TLN1: variants seen among roughly 807,000 people sequenced by gnomAD.
The protein encoded by TLN1 is talin 1, also known as talin-1.
A neutral mutation model predicts 292.3 loss-of-function variants in TLN1; 56 were observed. The ratio of observed to expected loss-of-function variants is 0.19; its 90% CI spans 0.15 to 0.24. The LOEUF (loss-of-function observed/expected upper bound fraction) is 0.24. Ranked by LOEUF, TLN1 falls within the 10% of genes least tolerant of loss-of-function variation. The probability of loss-of-function intolerance (pLI) is 1.00; values close to 1 mark genes in which losing one functional copy is unlikely to be tolerated. For missense variants in TLN1, 2,433 were observed against 3,248.2 expected (o/e 0.75, Z 6.10); for synonymous variants, 1,119 against 1,253.7 (o/e 0.89, Z 2.27).
intron 1 of TLN1, among the ~76,000 whole-genome samples, chr9:35,730,739 G>A (rs1826062147): frequency 3.3e-5 from 5 of 152,106 alleles, no homozygotes; most frequent in Admixed American, 3.3e-4. Context: ...GGGATAGGCA[G>A]GATGGGTGTG....
rs889239915 is a variant in TLN1 at position 35,699,823 on chromosome 9, G to A, written c.6768+151C>T. ...TAAGAAGGATGGGGCCTGGGAGAAA[G>A]GGAGACTTGGAAAGGAGAACAGATT... On this transcript the variant is annotated intron_variant, in intron 50 of 56. Transcript: ENST00000314888. The surrounding 1 kb of genome is among the most constrained non-coding windows in gnomAD (Gnocchi z 4.0). 10 of 1,068,302 alleles carry A rather than the reference G, an allele frequency of 9.4e-6. No individual in the cohort carries two copies. The African/African-American group carries it at 1.4e-4, about 15-fold the overall frequency. The allele number at this position is 1,068,302 out of a possible 1,614,324, so 66.2% of individuals were successfully genotyped here.
chr9:35,702,981 G>C lies in TLN1; in HGVS notation c.6474+579C>G, dbSNP rs141664771. On this transcript the variant is annotated intron_variant, in intron 48 of 56. Coordinates refer to ENST00000314888, the MANE Select transcript of TLN1 (RefSeq NM_006289.4). ...AAAAATACAGTTGTCACATGCTAAG[G>C]AATAAACAAGTGGGTAGGGGACAGA... Among the ~76,000 whole-genome samples, 146 of 152,172 alleles carry C rather than the reference G, an allele frequency of 9.6e-4. 2 individuals are homozygous for C. Among genetic ancestry groups the C allele is most frequent in the African/African-American group, 3.4e-3 (140 of 41,542 alleles).
At position 35,717,902 on chromosome 9, in the gene TLN1, C is replaced by G; in HGVS notation, c.1996-116G>C. On this transcript the variant is annotated intron_variant, in intron 17 of 56. Coordinates refer to ENST00000314888, the MANE Select transcript of TLN1 (RefSeq NM_006289.4). This position sits in a 1 kb window ranked among gnomAD's most constrained non-coding sequence, Gnocchi z 4.7. ...TGATCCAATCAAAGGAGAGTGTACG[C>G]AGAAGCAACCAGAACCTACCCCGAG... 1.6e-6 allele frequency: 2 copies of G among 1,251,872 alleles called. No individual in the cohort carries two copies. The highest frequency in any genetic ancestry group is 2.2e-6 in the Non-Finnish European group (2 of 913,598). 77.5% of individuals were successfully genotyped at this position (1,251,872 alleles called of 1,614,324 possible). A position where few individuals can be genotyped will look rare whatever the true frequency, so the allele number is the denominator to read the frequency against.
At chr9:35,716,873 C>T (rs1394076137) in intron 19 of TLN1, among the ~76,000 whole-genome samples, 1 of 152,136 alleles carries the variant, frequency 6.6e-6, no homozygotes, top group African/African-American at 2.4e-5. Flanking sequence ...GAAGGCTATA[C>T]CACTTTCATG....
intron 48 of TLN1, 27 bp downstream of exon 48, chr9:35,703,533 T>C (rs1420500794): frequency 1.2e-6 from 2 of 1,600,366 alleles, no homozygotes; most frequent in Non-Finnish European, 1.7e-6. Flanking sequence ...CTGACCCTAG[T>C]CACTGATGCC....
chr9:35,722,738 A>G lies in TLN1; in HGVS notation c.843+123T>C, dbSNP rs1000049032. On this transcript the variant is annotated intron_variant, in intron 8 of 56. Coordinates refer to ENST00000314888, the MANE Select transcript of TLN1 (RefSeq NM_006289.4). The stretch of plus-strand genomic sequence containing the variant: ...TTCTTGGCAGAGGTGAGGTGGGATA[A>G]CAGCCCGGTGGGTGAAAGCCAAGTT... 4.3e-6 allele frequency: 4 copies of G among 928,164 alleles called. No homozygotes were observed. The African/African-American group carries it at 4.8e-5, about 11-fold the overall frequency. The allele number at this position is 928,164 out of a possible 1,614,324, so 57.5% of individuals were successfully genotyped here. A position where few individuals can be genotyped will look rare whatever the true frequency, so the allele number is the denominator to read the frequency against.
intron 56 of TLN1, 52 bp from the exon 57 acceptor site, chr9:35,697,968 T>C (rs752829944): frequency 3.2e-5 from 52 of 1,613,650 alleles, no homozygotes; most frequent in East Asian, 4.5e-5. Context: ...AGCAGGGGCA[T>C]AGGGTAGTTG....
chr9:35,718,009 T>C (rs908194998), intron 17 of TLN1, among the ~76,000 whole-genome samples: 18 of 151,690 alleles, frequency 1.2e-4, no homozygotes, highest in Admixed American at 8.5e-4. Flanking sequence ...CTACACCAAA[T>C]GGAGACACAC....
chr9:35,719,724 T>C lies in TLN1; in HGVS notation c.1578+16A>G, dbSNP rs750239974. On this transcript the variant is annotated intron_variant, in intron 14 of 56. Transcript: ENST00000314888. This position sits in a 1 kb window ranked among gnomAD's most constrained non-coding sequence, Gnocchi z 4.6. Reference sequence around the variant, plus strand: ...CAGCTTCAGTACCACCGGCCTCTCCTCCATCCCATACTTACAGCATCCTGG... The same window carrying C: ...CAGCTTCAGTACCACCGGCCTCTCCCCCATCCCATACTTACAGCATCCTGG... 5 of 1,610,348 alleles carry C rather than the reference T, an allele frequency of 3.1e-6. No individual in the cohort carries two copies. In the South Asian group the frequency reaches 4.4e-5, roughly 14 times the overall value.
In TLN1 at chr9:35,706,375, A is replaced by G. The variant is rs927967437; in HGVS notation, c.5191-9T>C. 1 of 1,610,170 alleles carries G rather than the reference A, an allele frequency of 6.2e-7. No individual in the cohort carries two copies. The highest frequency in any genetic ancestry group is 8.5e-7 in the Non-Finnish European group (1 of 1,177,854). On this transcript the variant is annotated splice_polypyrimidine_tract_variant and intron_variant, in intron 39 of 56. Coordinates refer to ENST00000314888, the MANE Select transcript of TLN1 (RefSeq NM_006289.4). This position sits in a 1 kb window ranked among gnomAD's most constrained non-coding sequence, Gnocchi z 4.2. ...TGCGCCATCTGGGACACCTGAGGCA[A>G]GGGGTTGGACTAGGGGTCAGGTCCC...
At chr9:35,711,143 A>T (rs1825660964) in intron 30 of TLN1, 61 bp from the exon 31 acceptor site, 2 of 1,610,522 alleles carry the variant, frequency 1.2e-6, no homozygotes, top group Admixed American at 3.4e-5. Flanking sequence ...GGTCCTATGT[A>T]AGTATTTATC....
At chr9:35,730,674 A>G (rs1164141053) in intron 1 of TLN1, among the ~76,000 whole-genome samples, 2 of 151,994 alleles carry the variant, frequency 1.3e-5, no homozygotes, top group Non-Finnish European at 2.9e-5. Flanking sequence ...TAAGGATGGG[A>G]ACGGATGATA....
rs1243847575 is a variant in TLN1 at position 35,724,359 on chromosome 9, T to C, written c.512-25A>G. 1.9e-6 allele frequency: 3 copies of C among 1,613,922 alleles called. No individual in the cohort carries two copies. The highest frequency in any genetic ancestry group is 1.7e-5 in the Admixed American group (1 of 60,018). ...ACTGGGATACAGACAGTCCCCTCAGTGCCAAACCCCCATGGCCCCTGTGCT... is the reference window on the plus strand; with the variant it reads ...ACTGGGATACAGACAGTCCCCTCAGCGCCAAACCCCCATGGCCCCTGTGCT... On this transcript the variant is annotated intron_variant, in intron 5 of 56. Coordinates refer to ENST00000314888, the MANE Select transcript of TLN1 (RefSeq NM_006289.4). The surrounding 1 kb of genome is among the most constrained non-coding windows in gnomAD (Gnocchi z 4.7).
chr9:35,723,139 T>A, intron 7 of TLN1: 1 of 407,578 alleles, frequency 2.5e-6, no homozygotes, highest in Non-Finnish European at 4.6e-6. Flanking sequence ...TTCACTCTTG[T>A]TGCCCAGGCT....
At chr9:35,715,209 A>G in intron 20 of TLN1, 22 bp from the exon 21 acceptor site, 1 of 1,605,366 alleles carries the variant, frequency 6.2e-7, no homozygotes, top group South Asian at 1.1e-5. Flanking sequence ...GTGGAAAGAC[A>G]GTCATCACCC....
At chr9:35,700,398 A>G in intron 48 of TLN1, 22 bp from the exon 49 acceptor site, 1 of 1,587,714 alleles carries the variant, frequency 6.3e-7, no homozygotes. Context: ...GAAGAAGAAG[A>G]AAGATTTTAC....
intron 7 of TLN1, chr9:35,723,711 A>G: frequency 2.0e-6 from 1 of 506,340 alleles, no homozygotes; most frequent in Non-Finnish European, 3.4e-6. Context: ...ATCTCAAAAA[A>G]GAGTGACATG....
chr9:35,705,506 AGGAAC>A (rs1825548285), intron 43 of TLN1, 40 bp downstream of exon 43: 1 of 1,527,126 alleles, frequency 6.5e-7, no homozygotes, highest in African/African-American at 1.4e-5. Flanking sequence ...CTGACACATC[AGGAAC>A]AAGGGGCAGG....
intron 19 of TLN1, 26 bp from the exon 20 acceptor site, chr9:35,716,582 G>C: frequency 2.5e-6 from 4 of 1,608,228 alleles, no homozygotes; most frequent in Non-Finnish European, 8.5e-7. Flanking sequence ...ACAGTCAGGC[G>C]AGGAAGCCAG....
Sources: allele counts gnomAD v4.1 joint callset (sites outside exome capture counted in the v4.1 genomes callset), GRCh38; gene constraint gnomAD v4.1.1; non-coding constraint Gnocchi (gnomAD v3.1); transcripts MANE v1.5; gene names NCBI Gene and HGNC (gene_info 2026-07-23, HGNC 2026-07-21).